The following LDB2 variants were observed in gnomAD, a reference collection of about 807,000 sequenced individuals.
LDB2 encodes the protein LIM domain binding 2.
Under a neutral mutation model 44.3 loss-of-function variants are expected in LDB2, and 12 were observed. The observed-to-expected ratio is 0.27, with a 90% CI of 0.17 to 0.44. The LOEUF (loss-of-function observed/expected upper bound fraction) is 0.44. Among genes scored for constraint, LDB2 ranks in the 20% least tolerant of loss-of-function variants. The probability of loss-of-function intolerance (pLI) is 1.00; values close to 1 mark genes in which losing one functional copy is unlikely to be tolerated. For synonymous variants in LDB2, 164 were observed against 174.8 expected, an observed-to-expected ratio of 0.94 and a Z score of 0.49; for missense variants, 344 against 473.5, an observed-to-expected ratio of 0.73 and a Z score of 2.54.
chr4:16,821,746 CAAAAAAAAAAAA>C lies in LDB2; in HGVS notation c.133-62498_133-62487del, dbSNP rs562184189. On this transcript the variant is annotated intron_variant, in intron 1 of 7. Transcript: ENST00000304523. ...AATGGAAACCATTCCAACATTAAAG[CAAAAAAAAAAAA>C]AAAAAAAAAAAATCAGGAATTTATA... Among the ~76,000 whole-genome samples, 38 of 61,754 alleles carry C rather than the reference CAAAAAAAAAAAA, an allele frequency of 6.2e-4. 1 individual carries two copies. Among genetic ancestry groups the C allele is most frequent in the African/African-American group, 2.3e-3 (37 of 15,782 alleles). 40.5% of individuals were successfully genotyped at this position (61,754 alleles called of 152,430 possible). A position where few individuals can be genotyped will look rare whatever the true frequency, so the allele number is the denominator to read the frequency against.
chr4:16,683,651 A>G (rs1331363665), intron 2 of LDB2, among the ~76,000 whole-genome samples: 1 of 152,248 alleles, frequency 6.6e-6, no homozygotes, highest in Non-Finnish European at 1.5e-5. Context: ...GCCACTAGAA[A>G]TTGTTCACCT....
chr4:16,666,814 A>G (rs922206680), intron 2 of LDB2, among the ~76,000 whole-genome samples: 1 of 152,198 alleles, frequency 6.6e-6, no homozygotes, highest in Non-Finnish European at 1.5e-5. Flanking sequence ...CCCCTTGACT[A>G]GATTTGGACA....
chr4:16,839,909 A>C (rs1289968052), intron 1 of LDB2, among the ~76,000 whole-genome samples: 1 of 152,184 alleles, frequency 6.6e-6, no homozygotes, highest in Non-Finnish European at 1.5e-5. Context: ...ATGTACACAC[A>C]CACATACACA....
chr4:16,655,897 T>TTTTTTTTG (rs1739679183), intron 2 of LDB2, among the ~76,000 whole-genome samples: 1 of 46,554 alleles, frequency 2.1e-5, no homozygotes, highest in Non-Finnish European at 4.5e-5. Flanking sequence ...GCAAGAAAAC[T>TTTTTTTTG]TTTTTTTTTT....
intron 5 of LDB2, chr4:16,512,326 G>A (rs1480094747): frequency 1.8e-5 from 8 of 451,888 alleles, no homozygotes; most frequent in African/African-American, 3.9e-5. Flanking sequence ...TGATTCACAC[G>A]GATACACACA....
intron 5 of LDB2, among the ~76,000 whole-genome samples, chr4:16,534,470 G>A (rs778816205): frequency 1.4e-4 from 21 of 152,130 alleles, no homozygotes; most frequent in Non-Finnish European, 2.5e-4. Flanking sequence ...AGGGAAGCGC[G>A]TGTTTTATCA....
chr4:16,815,660 G>C (rs765000458), intron 1 of LDB2, among the ~76,000 whole-genome samples: 38 of 152,132 alleles, frequency 2.5e-4, no homozygotes, highest in Non-Finnish European at 3.5e-4. Flanking sequence ...CAAAGTCTCT[G>C]AATTAGGGAA....
chr4:16,766,467 T>TGTGTGTGTGTATATATATACACACAC, intron 1 of LDB2, among the ~76,000 whole-genome samples: 1 of 75,556 alleles, frequency 1.3e-5, no homozygotes, highest in Non-Finnish European at 2.8e-5. Flanking sequence ...CACACACATA[T>TGTGTGTGTGTATATATATACACACAC]ATGTGTGTGT....
intron 1 of LDB2, among the ~76,000 whole-genome samples, chr4:16,760,028 A>G (rs1255384427): frequency 6.6e-6 from 1 of 152,210 alleles, no homozygotes; most frequent in Non-Finnish European, 1.5e-5. Flanking sequence ...CCAAGGGGAG[A>G]AGAAGGCCCC....
chr4:16,894,472 A>T (rs1425038679), intron 1 of LDB2, among the ~76,000 whole-genome samples: 3 of 152,186 alleles, frequency 2.0e-5, no homozygotes, highest in Non-Finnish European at 4.4e-5. Context: ...CAGCATTTAA[A>T]ATATACTTTT....
At chr4:16,771,658 A>T (rs993970025) in intron 1 of LDB2, among the ~76,000 whole-genome samples, 1 of 152,094 alleles carries the variant, frequency 6.6e-6, no homozygotes, top group African/African-American at 2.4e-5. Flanking sequence ...TTCCTGTCTT[A>T]CCCTAACTCC....
chr4:16,743,948 T>A (rs750922726), intron 2 of LDB2, among the ~76,000 whole-genome samples: 106 of 152,312 alleles, frequency 7.0e-4, no homozygotes, highest in Non-Finnish European at 1.2e-3. Flanking sequence ...AAATAGATTG[T>A]CTCCAATTTT....
intron 1 of LDB2, among the ~76,000 whole-genome samples, chr4:16,869,465 A>G (rs540809595): frequency 9.8e-5 from 15 of 152,336 alleles, no homozygotes; most frequent in African/African-American, 3.1e-4. Flanking sequence ...TAAAACAACT[A>G]TGTTATATGA....
chr4:16,795,119 C>T (rs910676733), intron 1 of LDB2, among the ~76,000 whole-genome samples: 11 of 151,990 alleles, frequency 7.2e-5, no homozygotes, highest in Non-Finnish European at 7.4e-5. Flanking sequence ...GAAATCTTCC[C>T]GGAGCACATA....
intron 5 of LDB2, among the ~76,000 whole-genome samples, chr4:16,555,229 C>A (rs1739124406): frequency 6.6e-6 from 1 of 151,912 alleles, no homozygotes; most frequent in African/African-American, 2.4e-5. Flanking sequence ...TTAAAAGCTC[C>A]CCAAGTGATT....
chr4:16,634,621 G>A (rs145331056), intron 2 of LDB2, among the ~76,000 whole-genome samples: 15,016 of 152,094 alleles, frequency 0.099, 797 homozygotes, highest in Non-Finnish European at 0.11. Context: ...TTAGAATGGC[G>A]ATCATTAAAA....
chr4:16,757,809 C>T (rs964190537), intron 2 of LDB2, among the ~76,000 whole-genome samples: 3 of 152,152 alleles, frequency 2.0e-5, no homozygotes, highest in Non-Finnish European at 2.9e-5. Context: ...CACCGGAGAG[C>T]AAGTTAACTC....
chr4:16,667,742 C>T (rs1417631330), intron 2 of LDB2, among the ~76,000 whole-genome samples: 1 of 152,142 alleles, frequency 6.6e-6, no homozygotes, highest in Non-Finnish European at 1.5e-5. Context: ...AAAAGGATTG[C>T]TGGGATCAAT....
chr4:16,882,920 T>G (rs1720566845), intron 1 of LDB2, among the ~76,000 whole-genome samples: 1 of 152,240 alleles, frequency 6.6e-6, no homozygotes, highest in African/African-American at 2.4e-5. Flanking sequence ...TCAGATGAAT[T>G]TTAACCTTTC....
Sources: allele counts gnomAD v4.1 joint callset (sites outside exome capture counted in the v4.1 genomes callset), GRCh38; gene constraint gnomAD v4.1.1; transcripts MANE v1.5; gene names NCBI Gene and HGNC (gene_info 2026-07-23, HGNC 2026-07-21).